The following PHC2 variants were observed in gnomAD, a reference collection of about 807,000 sequenced individuals.
PHC2 encodes polyhomeotic homolog 2.
In PHC2, 29 loss-of-function variants were observed where a neutral mutation model predicts 87.4. That is an observed-to-expected ratio of 0.33 (90% CI 0.25 to 0.45). The LOEUF is 0.45. Among genes scored for constraint, PHC2 ranks in the 20% least tolerant of loss-of-function variants. PHC2 has a pLI of 1.00. For missense variants in PHC2, 857 were observed against 1,136.7 expected, an observed-to-expected ratio of 0.75 and a Z score of 3.54; for synonymous variants, 438 against 461.7, an observed-to-expected ratio of 0.95 and a Z score of 0.66.
chr1:33,366,233 C>T (rs6675264), intron 7 of PHC2, among the ~76,000 whole-genome samples: 109,075 of 152,172 alleles, frequency 0.72, 39,851 homozygotes, highest in African/African-American at 0.86. Context: ...TCAGCGTGAC[C>T]CTCTCTTTAA....
intron 1 of PHC2, among the ~76,000 whole-genome samples, chr1:33,380,119 G>T (rs1232690110): frequency 6.6e-6 from 1 of 152,240 alleles, no homozygotes; most frequent in East Asian, 1.9e-4. Context: ...TCTTTCAAGT[G>T]TGCTCTCTCA....
At chr1:33,366,817 C>A (rs1647477849) in intron 7 of PHC2, among the ~76,000 whole-genome samples, 3 of 152,222 alleles carry the variant, frequency 2.0e-5, no homozygotes, top group Admixed American at 2.0e-4. Context: ...CTGCCTCCAG[C>A]CACTCCAGGT....
At chr1:33,410,173 T>C (rs1410153841) in intron 1 of PHC2, among the ~76,000 whole-genome samples, 3 of 152,244 alleles carry the variant, frequency 2.0e-5, no homozygotes, top group African/African-American at 4.8e-5. Flanking sequence ...GTTCAATTTG[T>C]ATTAATCCCT....
chr1:33,334,424 T>A lies in PHC2; in HGVS notation c.1559-132A>T. 1 of 719,382 alleles carries A rather than the reference T, an allele frequency of 1.4e-6. No homozygotes were observed. The highest frequency in any genetic ancestry group is 2.9e-5 in the Admixed American group (1 of 35,008). The allele number at this position is 719,382 out of a possible 1,614,324, so 44.6% of individuals were successfully genotyped here. ...CCAAGCGACAATGCAAACCAAGCAG[T>A]CCCCTCCCCTCAGTGACCCATTTAA... is the stretch of plus-strand genomic sequence containing the variant. On this transcript the variant is annotated intron_variant, in intron 9 of 14. Transcript: ENST00000683057. The surrounding 1 kb of genome is among the most constrained non-coding windows in gnomAD (Gnocchi z 5.5).
chr1:33,407,187 C>G (rs1333940268), intron 1 of PHC2, among the ~76,000 whole-genome samples: 1 of 152,184 alleles, frequency 6.6e-6, no homozygotes, highest in Non-Finnish European at 1.5e-5. Context: ...CATTAAAAAT[C>G]TCTTTATACA....
In PHC2 at chr1:33,332,184, TTCC is replaced by T. The variant is rs1266531790; in HGVS notation, c.1891+88_1891+90del. ...TGTTTACAGACTCGCTGGCTCAGGGTTCCTCTGGGGAAACAGAGAGAGGAAGTG... is the reference window on the plus strand; with the variant it reads ...TGTTTACAGACTCGCTGGCTCAGGGTTCTGGGGAAACAGAGAGAGGAAGTG... On this transcript the variant is annotated intron_variant, in intron 11 of 14. Coordinates refer to ENST00000683057, the MANE Select transcript of PHC2 (RefSeq NM_001385109.1). The surrounding 1 kb of genome is among the most constrained non-coding windows in gnomAD (Gnocchi z 4.2). 6.8e-7 allele frequency: 1 copy of T among 1,462,078 alleles called. No homozygotes were observed. The highest frequency in any genetic ancestry group is 9.5e-7 in the Non-Finnish European group (1 of 1,051,122). The allele number at this position is 1,462,078 out of a possible 1,614,324, so 90.6% of individuals were successfully genotyped here.
At chr1:33,361,210 G>C (rs952978734) in intron 7 of PHC2, among the ~76,000 whole-genome samples, 12 of 152,192 alleles carry the variant, frequency 7.9e-5, no homozygotes, top group Admixed American at 2.0e-4. Context: ...AGTGGGCAGT[G>C]GGGGGAGGGT....
intron 1 of PHC2, among the ~76,000 whole-genome samples, chr1:33,416,263 G>A (rs572108788): frequency 3.2e-4 from 49 of 152,192 alleles, no homozygotes; most frequent in Non-Finnish European, 6.2e-4. Flanking sequence ...CAGCAACATA[G>A]ATAAGAATTA....
At chr1:33,403,683 A>G (rs190083213) in intron 1 of PHC2, among the ~76,000 whole-genome samples, 8 of 152,312 alleles carry the variant, frequency 5.3e-5, no homozygotes, top group Non-Finnish European at 1.0e-4. Context: ...TGTTAAAATG[A>G]CTCAGATTCC....
chr1:33,331,282 A>G lies in PHC2; in HGVS notation c.2006+66T>C, dbSNP rs1192677780. The G allele has an allele frequency of 2.4e-5, 21 of 868,684 alleles. No homozygotes were observed. The highest frequency in any genetic ancestry group is 5.8e-5 in the Admixed American group (3 of 52,056). The allele number at this position is 868,684 out of a possible 1,614,324, so 53.8% of individuals were successfully genotyped here. On this transcript the variant is annotated intron_variant, in intron 12 of 14. Coordinates refer to ENST00000683057, the MANE Select transcript of PHC2 (RefSeq NM_001385109.1). This position sits in a 1 kb window ranked among gnomAD's most constrained non-coding sequence, Gnocchi z 5.2. Reference sequence around the variant, plus strand: ...CCCTATGGACCTCCTGGGGTAGACTATTAATGGCAGGAGGTGGGACATAAA... The same window carrying G: ...CCCTATGGACCTCCTGGGGTAGACTGTTAATGGCAGGAGGTGGGACATAAA...
intron 1 of PHC2, among the ~76,000 whole-genome samples, chr1:33,390,173 G>A (rs1422718123): frequency 1.3e-5 from 2 of 152,272 alleles, no homozygotes; most frequent in East Asian, 1.9e-4. Context: ...GGTGGAATTC[G>A]TGCAGCATCA....
intron 7 of PHC2, 32 bp downstream of exon 7, chr1:33,367,084 G>A: frequency 6.4e-7 from 1 of 1,559,888 alleles, no homozygotes. Flanking sequence ...TGAGTTTTCT[G>A]GGAAAGGATT....
Position 33,349,936 on chromosome 1 carries a change from GGGGGC to G in PHC2, c.1558+4460_1558+4464del. The G allele has an allele frequency of 5.9e-6, 5 of 843,674 alleles. No homozygotes were observed. The highest frequency in any genetic ancestry group is 7.1e-6 in the Non-Finnish European group (5 of 702,548). The allele number at this position is 843,674 out of a possible 1,614,324, so 52.3% of individuals were successfully genotyped here. On this transcript the variant is annotated intron_variant, in intron 9 of 14. Transcript: ENST00000683057. The surrounding 1 kb of genome is among the most constrained non-coding windows in gnomAD (Gnocchi z 4.2). ...GACGGCTCCCGCGGCCGCCTCCGCC[GGGGGC>G]GGGGCGAGGGAGCGGGGCGGGGAGG...
chr1:33,333,008 C>T (rs1356205118), intron 10 of PHC2, among the ~76,000 whole-genome samples: 2 of 152,120 alleles, frequency 1.3e-5, no homozygotes, highest in African/African-American at 4.8e-5. Context: ...AGCCTGGTAG[C>T]CAGTCACGTG....
At chr1:33,398,280 C>A (rs1260471283) in intron 1 of PHC2, among the ~76,000 whole-genome samples, 1 of 152,196 alleles carries the variant, frequency 6.6e-6, no homozygotes, top group African/African-American at 2.4e-5. Flanking sequence ...ATGATTTAAA[C>A]CCCACCTCTA....
chr1:33,386,229 G>C (rs1648740140), intron 1 of PHC2, among the ~76,000 whole-genome samples: 1 of 151,596 alleles, frequency 6.6e-6, no homozygotes, highest in Non-Finnish European at 1.5e-5. Flanking sequence ...ATAAAAAAAA[G>C]ACCCCTGGCT....
At chr1:33,356,277 G>A (rs4653085) in intron 7 of PHC2, among the ~76,000 whole-genome samples, 10,581 of 69,164 alleles carry the variant, frequency 0.15, 630 homozygotes, top group East Asian at 0.22. Flanking sequence ...ATATATATAT[G>A]TATATATATA....
At chr1:33,410,356 A>G (rs1649932898) in intron 1 of PHC2, among the ~76,000 whole-genome samples, 1 of 152,172 alleles carries the variant, frequency 6.6e-6, no homozygotes, top group South Asian at 2.1e-4. Context: ...GCCTCACTCC[A>G]TGGGAACGTA....
rs535018194 is a variant in PHC2 at position 33,350,109 on chromosome 1, G to T, written c.1558+4292C>A. ...GCGGGCGCCACGCCACGAGGAGGCTGCCCTGATAGCCGGTGCAAGTGCTCC... is the reference window on the plus strand; with the variant it reads ...GCGGGCGCCACGCCACGAGGAGGCTTCCCTGATAGCCGGTGCAAGTGCTCC... On this transcript the variant is annotated intron_variant, in intron 9 of 14. Coordinates refer to ENST00000683057, the MANE Select transcript of PHC2 (RefSeq NM_001385109.1). Among the ~76,000 whole-genome samples the T allele has an allele frequency of 1.4e-4, 22 of 152,106 alleles. 1 individual carries two copies. In the South Asian group the frequency reaches 4.4e-3, roughly 30 times the overall value.
Sources: gnomAD v4.1 joint callset for allele counts (sites outside exome capture counted in the v4.1 genomes callset) on GRCh38, gnomAD v4.1.1 for gene constraint, Gnocchi (gnomAD v3.1) non-coding constraint, MANE v1.5 for transcripts, NCBI Gene and HGNC (gene_info 2026-07-23, HGNC 2026-07-21) for gene names.